Variants in CSMD1 observed in about 807,000 individuals in gnomAD.
CSMD1 encodes CUB and sushi domain-containing protein 1.
Under a neutral mutation model 417.5 loss-of-function variants are expected in CSMD1, and 213 were observed. The observed-to-expected ratio is 0.51, with a 90% confidence interval of 0.46 to 0.57. The LOEUF (loss-of-function observed/expected upper bound fraction) is 0.57. Among genes scored for constraint, CSMD1 ranks in the 20% least tolerant of loss-of-function variants. The pLI is 0.00. For synonymous variants in CSMD1, 2,862 were observed against 1,736.8 expected (o/e 1.65, Z -16.11); for missense variants, 6,923 against 4,529.7 (o/e 1.53, Z -15.17).
intron 3 of CSMD1, among the ~76,000 whole-genome samples, chr8:4,198,169 G>A (rs944009226): frequency 6.6e-6 from 1 of 152,196 alleles, no homozygotes; most frequent in Non-Finnish European, 1.5e-5. Flanking sequence ...CCCGAAGCAT[G>A]ATCAGGGGAG....
intron 1 of CSMD1, among the ~76,000 whole-genome samples, chr8:4,664,669 T>C (rs532618000): frequency 1.4e-3 from 217 of 152,304 alleles, no homozygotes; most frequent in Non-Finnish European, 2.8e-3. Flanking sequence ...TGCTTATTAT[T>C]ATAACAGGTT....
At chr8:3,387,265 T>C (rs1811060537) in intron 18 of CSMD1, among the ~76,000 whole-genome samples, 1 of 152,192 alleles carries the variant, frequency 6.6e-6, no homozygotes, top group African/African-American at 2.4e-5. Context: ...CTAAGTTTGT[T>C]CATTCGGGGA....
intron 3 of CSMD1, among the ~76,000 whole-genome samples, chr8:4,099,445 A>C (rs1801191201): frequency 6.6e-6 from 1 of 152,024 alleles, no homozygotes; most frequent in South Asian, 2.1e-4. Flanking sequence ...GTTCTAATAC[A>C]CCATTCCTAA....
chr8:4,961,705 A>G (rs932555530), intron 1 of CSMD1, among the ~76,000 whole-genome samples: 1 of 152,216 alleles, frequency 6.6e-6, no homozygotes, highest in African/African-American at 2.4e-5. Context: ...CTGAAATGAT[A>G]ACGTAATTTT....
At chr8:4,858,348 C>T (rs1347929495) in intron 1 of CSMD1, among the ~76,000 whole-genome samples, 3 of 151,764 alleles carry the variant, frequency 2.0e-5, no homozygotes, top group Non-Finnish European at 2.9e-5. Context: ...CCTTTGAAAA[C>T]GGGCACAAGA....
intron 1 of CSMD1, among the ~76,000 whole-genome samples, chr8:4,705,609 C>T (rs1246953505): frequency 1.3e-5 from 2 of 152,182 alleles, no homozygotes. Context: ...ATTTTTGACT[C>T]ATCTTATATT....
chr8:4,978,531 T>C lies in CSMD1; in HGVS notation c.85+15801A>G, dbSNP rs1179452591. Among the ~76,000 whole-genome samples, 3 of 152,348 alleles carry C rather than the reference T, an allele frequency of 2.0e-5. No homozygotes were observed. The East Asian group carries it at 5.8e-4, about 29-fold the overall frequency. ...TGAAAAAGCTAACAGATTTACTATA[T>C]TGCCAAGTAAATAAATTAACTATGT... On this transcript the variant is annotated intron_variant, in intron 1 of 69. Transcript: ENST00000635120.
chr8:4,315,602 G>A lies in CSMD1; in HGVS notation c.415+104351C>T, dbSNP rs752219092. On this transcript the variant is annotated intron_variant, in intron 3 of 69. Transcript: ENST00000635120. ...CATCCAGAACTTTGCCAGATATTAT[G>A]AATAAAGTAAACTTGGTTTCCAAAG... is the stretch of plus-strand genomic sequence containing the variant. Among the ~76,000 whole-genome samples, 388 of 152,076 alleles carry A rather than the reference G, an allele frequency of 2.6e-3. 11 individuals are homozygous for A. The highest frequency in any genetic ancestry group is 3.2e-4 in the Non-Finnish European group (22 of 68,012).
intron 37 of CSMD1, among the ~76,000 whole-genome samples, chr8:3,179,443 T>C (rs2129046969): frequency 6.6e-6 from 1 of 152,324 alleles, no homozygotes. Flanking sequence ...AAGCTTGGAT[T>C]CTCAAAGTTC....
intron 2 of CSMD1, among the ~76,000 whole-genome samples, chr8:4,445,808 C>T (rs536746332): frequency 9.9e-5 from 15 of 152,276 alleles, no homozygotes; most frequent in Admixed American, 5.9e-4. Flanking sequence ...AGATGATTAA[C>T]GAGAATGTTT....
chr8:4,402,356 C>A (rs1804700546), intron 3 of CSMD1, among the ~76,000 whole-genome samples: 1 of 152,082 alleles, frequency 6.6e-6, no homozygotes, highest in Admixed American at 6.6e-5. Flanking sequence ...CCCCTGACTG[C>A]ACCCTCAATT....
At chr8:4,127,185 T>C (rs946641292) in intron 3 of CSMD1, among the ~76,000 whole-genome samples, 17 of 152,100 alleles carry the variant, frequency 1.1e-4, no homozygotes, top group Admixed American at 1.1e-3. Context: ...GTTCCTGCTA[T>C]CCCTGGAGGT....
intron 5 of CSMD1, among the ~76,000 whole-genome samples, chr8:3,828,957 AT>A (rs1802212416): frequency 6.6e-6 from 1 of 151,904 alleles, no homozygotes. Flanking sequence ...TTTCTTACAT[AT>A]GGCAACACAG....
At chr8:4,330,330 C>T (rs1444371913) in intron 3 of CSMD1, among the ~76,000 whole-genome samples, 1 of 151,560 alleles carries the variant, frequency 6.6e-6, no homozygotes, top group African/African-American at 2.4e-5. Flanking sequence ...CGTGCTGGCT[C>T]ACACCTGTAA....
In CSMD1 at chr8:3,618,427, G is replaced by A. The variant is rs549743057; in HGVS notation, c.1010-1630C>T. On this transcript the variant is annotated intron_variant, in intron 7 of 69. Coordinates refer to ENST00000635120, the MANE Select transcript of CSMD1 (RefSeq NM_033225.6). Reference sequence around the variant, plus strand: ...AGTAAGTACTTCACTATTCCAAACGGGTTAAGATATTTTTTAGGTATTTTT... The same window carrying A: ...AGTAAGTACTTCACTATTCCAAACGAGTTAAGATATTTTTTAGGTATTTTT... Among the ~76,000 whole-genome samples the A allele has an allele frequency of 1.3e-4, 20 of 151,510 alleles. No homozygotes were observed. The East Asian group carries it at 3.9e-3, about 29-fold the overall frequency.
intron 3 of CSMD1, among the ~76,000 whole-genome samples, chr8:4,366,538 A>G (rs1802083654): frequency 6.6e-6 from 1 of 152,066 alleles, no homozygotes; most frequent in Non-Finnish European, 1.5e-5. Context: ...TTTGCATTCC[A>G]CTCACAGCAT....
At chr8:4,516,696 A>T (rs193091566) in intron 2 of CSMD1, among the ~76,000 whole-genome samples, 1 of 151,752 alleles carries the variant, frequency 6.6e-6, no homozygotes, top group Non-Finnish European at 1.5e-5. Flanking sequence ...GATTCCTCCA[A>T]CCCCTACACA....
rs1818567118 is a variant in CSMD1, at chr8:3,142,537, T to C, written c.6169A>G (p.Thr2057Ala). 5 of 1,613,990 alleles carry C rather than the reference T, an allele frequency of 3.1e-6. No homozygotes were observed. Among genetic ancestry groups the C allele is most frequent in the Admixed American group, 1.7e-5 (1 of 60,018 alleles). Residue 2057 changes from threonine (T) to alanine (A), a missense_variant, in exon 41 of 70, where the codon ACG (threonine) becomes GCG (alanine). Coordinates refer to ENST00000635120, the MANE Select transcript of CSMD1 (RefSeq NM_033225.6). ...TAAAAGTGGATGAGGGTTTCATGCGTTGTGCTCAGCAGGGCCGCGGGGAGA... is the reference window on the plus strand; with the variant it reads ...TAAAAGTGGATGAGGGTTTCATGCGCTGTGCTCAGCAGGGCCGCGGGGAGA... The part of the protein sequence containing the change: ...TDLPAALLST[T>A]HETLIHFYSD...
chr8:4,985,784 C>G (rs542140590), intron 1 of CSMD1, among the ~76,000 whole-genome samples: 1 of 152,122 alleles, frequency 6.6e-6, no homozygotes, highest in African/African-American at 2.4e-5. Context: ...ACTGCAACCT[C>G]ATGAATATAG....
Sources: allele counts gnomAD v4.1 joint callset (sites outside exome capture counted in the v4.1 genomes callset), GRCh38; gene constraint gnomAD v4.1.1; transcripts MANE v1.5; gene names NCBI Gene and HGNC (gene_info 2026-07-23, HGNC 2026-07-21).